WDR17: variants seen among roughly 807,000 people sequenced by gnomAD.
WDR17 encodes WD repeat-containing protein 17.
WDR17 carries 143 observed loss-of-function variants against 161.7 expected under a neutral mutation model. The observed-to-expected ratio is 0.88, with a 90% CI of 0.77 to 1.02. WDR17 has a LOEUF of 1.02. Ranked by LOEUF, WDR17 falls within the 50% of genes least tolerant of loss-of-function variation. The pLI is 0.00. For synonymous variants in WDR17, 517 were observed against 515.6 expected (o/e 1.00, Z -0.04); for missense variants, 1,469 against 1,520.9 (o/e 0.97, Z 0.57).
intron 27 of WDR17, 128 bp downstream of exon 27, chr4:176,177,284 C>T (rs1751582561): frequency 1.0e-6 from 1 of 991,950 alleles, no homozygotes; most frequent in South Asian, 1.6e-5. Context: ...GGCATATATG[C>T]AGTAATAATT....
rs547092352 is a variant in WDR17, at chr4:176,070,360, A to G, written c.-7+4281A>G. 2.0e-5 allele frequency among the ~76,000 whole-genome samples: 3 copies of G among 152,304 alleles called. No individual in the cohort carries two copies. The East Asian group carries it at 5.8e-4, about 29-fold the overall frequency. Reference sequence around the variant, plus strand: ...AATATGTAGATTACCAACCTATCAGATCTGTGCCTGGGCCCTACCTTAGGT... The same window carrying G: ...AATATGTAGATTACCAACCTATCAGGTCTGTGCCTGGGCCCTACCTTAGGT... On this transcript the variant is annotated intron_variant, in intron 1 of 28. Transcript: ENST00000508596.
In WDR17 at chr4:176,179,659, T is replaced by C. The variant is rs558518863; in HGVS notation, c.*80T>C. On this transcript the variant is annotated 3_prime_UTR_variant, in exon 29 of 29. Transcript: ENST00000508596. ...TTAGCATTACCTTAATCTTTGTTGC[T>C]CAAGTGCCAGAGGTTGGGAGAAGGA... The C allele has an allele frequency of 2.2e-6, 3 of 1,359,554 alleles. No homozygotes were observed. The highest frequency in any genetic ancestry group is 2.7e-5 in the East Asian group (1 of 37,462). 84.2% of individuals were successfully genotyped at this position (1,359,554 alleles called of 1,614,324 possible). A position where few individuals can be genotyped will look rare whatever the true frequency, so the allele number is the denominator to read the frequency against.
chr4:176,106,438 A>T (rs920472880), intron 1 of WDR17, among the ~76,000 whole-genome samples: 3 of 152,170 alleles, frequency 2.0e-5, no homozygotes, highest in African/African-American at 4.8e-5. Flanking sequence ...CAAAAGAATG[A>T]AATTGGACTC....
intron 7 of WDR17, among the ~76,000 whole-genome samples, chr4:176,132,284 T>C (rs994243499): frequency 2.0e-5 from 3 of 152,104 alleles, no homozygotes; most frequent in Non-Finnish European, 2.9e-5. Context: ...CCTAATATAG[T>C]ATCTGCCACA....
Position 176,104,033 on chromosome 4 carries a change from A to G in WDR17, c.-6-7542A>G, listed in dbSNP as rs530403637. On this transcript the variant is annotated intron_variant, in intron 1 of 28. Transcript: ENST00000508596. ...AGTAAGAAAGAAGTGATTAACACAT[A>G]CATACAGGGATCCTCAATAGTATAA... 7.7e-4 allele frequency among the ~76,000 whole-genome samples: 117 copies of G among 152,274 alleles called. 1 individual carries two copies. In the South Asian group the frequency reaches 0.021, roughly 28 times the overall value.
rs527264033 is a variant in WDR17, at chr4:176,119,521, G to A, written c.308-346G>A. 2.6e-5 allele frequency among the ~76,000 whole-genome samples: 4 copies of A among 152,202 alleles called. No individual in the cohort carries two copies. In the South Asian group the frequency reaches 8.3e-4, roughly 32 times the overall value. On this transcript the variant is annotated intron_variant, in intron 3 of 28. Transcript: ENST00000508596. ...CCACACTACCTTGTATACCTAGAAT[G>A]CCTAGAGGTCTTATATACAAATACA...
chr4:176,078,388 G>C (rs1021974635), intron 1 of WDR17, among the ~76,000 whole-genome samples: 93 of 152,232 alleles, frequency 6.1e-4, no homozygotes, highest in African/African-American at 2.1e-3. Flanking sequence ...AAGCAGAGGA[G>C]AGGATCATCA....
intron 3 of WDR17, among the ~76,000 whole-genome samples, chr4:176,119,620 A>G (rs1287039016): frequency 6.6e-6 from 1 of 152,224 alleles, no homozygotes; most frequent in African/African-American, 2.4e-5. Context: ...GTATTTGACT[A>G]TATGAAGCAA....
chr4:176,115,172 A>G (rs960246247), intron 2 of WDR17, among the ~76,000 whole-genome samples: 2 of 152,088 alleles, frequency 1.3e-5, no homozygotes, highest in Admixed American at 6.6e-5. Context: ...AAGGACATAA[A>G]TAACATATTC....
chr4:176,100,225 C>T (rs1737599645), intron 1 of WDR17, among the ~76,000 whole-genome samples: 1 of 152,182 alleles, frequency 6.6e-6, no homozygotes, highest in East Asian at 1.9e-4. Context: ...CTCTTTTCCC[C>T]ATATCCTCAC....
chr4:176,177,574 G>T lies in WDR17; in HGVS notation c.3652G>T (p.Gly1218Ter). 1 of 1,596,632 alleles carries T rather than the reference G, an allele frequency of 6.3e-7. No homozygotes were observed. The highest frequency in any genetic ancestry group is 8.5e-7 in the Non-Finnish European group (1 of 1,175,858). Reference sequence around the variant, plus strand: ...AGAAGAGTCACTGAAAGGAATTATTGGACCAGATTATGTGACTGGATCAAA... The same window carrying T: ...AGAAGAGTCACTGAAAGGAATTATTTGACCAGATTATGTGACTGGATCAAA... Reference protein sequence around the residue: ...LKEESLKGIIGPDYVTGSNLP... With the variant: ...LKEESLKGII The change falls in exon 28 of 29, where the codon GGA becomes TGA. Residue 1218 changes from glycine to a stop codon, truncating the protein, a stop_gained. Transcript: ENST00000508596. LOFTEE classifies it high-confidence loss of function.
intron 12 of WDR17, among the ~76,000 whole-genome samples, chr4:176,146,711 G>A (rs1051656493): frequency 6.6e-6 from 1 of 152,098 alleles, no homozygotes; most frequent in Non-Finnish European, 1.5e-5. Context: ...AAGTTATTTT[G>A]ATACAAATCC....
intron 10 of WDR17, 25 bp downstream of exon 10, chr4:176,139,999 T>C: frequency 6.4e-7 from 1 of 1,557,594 alleles, no homozygotes; most frequent in South Asian, 1.1e-5. Flanking sequence ...TGATACATGA[T>C]ATGAAATTAC....
At chr4:176,121,076 G>A (rs1375322699) in intron 4 of WDR17, among the ~76,000 whole-genome samples, 1 of 152,210 alleles carries the variant, frequency 6.6e-6, no homozygotes. Context: ...TTCTCTCTCA[G>A]CTCTTTGTAC....
chr4:176,086,314 G>A (rs889970359), intron 1 of WDR17, among the ~76,000 whole-genome samples: 12 of 151,906 alleles, frequency 7.9e-5, no homozygotes, highest in African/African-American at 2.9e-4. Context: ...GTCCTTTTCT[G>A]TATGTTGTTC....
intron 4 of WDR17, among the ~76,000 whole-genome samples, chr4:176,121,047 C>T (rs1158736949): frequency 6.6e-6 from 1 of 152,112 alleles, no homozygotes; most frequent in Non-Finnish European, 1.5e-5. Context: ...AATAAATGTT[C>T]ATATGCTTCT....
At chr4:176,095,649 A>C (rs970124340) in intron 1 of WDR17, among the ~76,000 whole-genome samples, 1 of 151,028 alleles carries the variant, frequency 6.6e-6, no homozygotes, top group African/African-American at 2.4e-5. Context: ...TACCCTTTTC[A>C]TTATTTTACT....
intron 1 of WDR17, among the ~76,000 whole-genome samples, chr4:176,068,620 A>G (rs1362954018): frequency 2.6e-5 from 4 of 152,194 alleles, no homozygotes; most frequent in East Asian, 1.9e-4. Flanking sequence ...AAGAAAAGAA[A>G]AAGAAAAAAA....
intron 19 of WDR17, 25 bp downstream of exon 19, chr4:176,160,151 C>A: frequency 1.2e-6 from 2 of 1,610,820 alleles, no homozygotes; most frequent in South Asian, 1.1e-5. Flanking sequence ...CTACCCCAGT[C>A]ACATACATGA....
Sources: gnomAD v4.1 joint callset for allele counts (sites outside exome capture counted in the v4.1 genomes callset) on GRCh38, gnomAD v4.1.1 for gene constraint, MANE v1.5 for transcripts, NCBI Gene and HGNC (gene_info 2026-07-23, HGNC 2026-07-21) for gene names.